The following TRPM3 variants were observed in gnomAD, a reference collection of about 807,000 sequenced individuals.
TRPM3 encodes long transient receptor potential channel 3.
In TRPM3, 77 loss-of-function variants were observed where a neutral mutation model predicts 181.2. The ratio of observed to expected loss-of-function variants is 0.42; its 90% CI spans 0.35 to 0.51. The LOEUF (loss-of-function observed/expected upper bound fraction) is 0.51, where lower values mean the gene tolerates loss of function less well. Ranked by LOEUF, TRPM3 falls within the 20% of genes least tolerant of loss-of-function variation. The pLI, the probability that TRPM3 is intolerant of heterozygous loss-of-function variation, is 0.01. For synonymous variants in TRPM3, 745 were observed against 796.4 expected (o/e 0.94, Z 1.09); for missense variants, 1,759 against 2,196.7 (o/e 0.80, Z 3.98).
At chr9:71,075,739 G>A (rs947890786) in intron 1 of TRPM3, among the ~76,000 whole-genome samples, 17 of 152,152 alleles carry the variant, frequency 1.1e-4, no homozygotes, top group African/African-American at 4.1e-4. Flanking sequence ...AAAGCAAAAT[G>A]TTTTCTTATT....
intron 1 of TRPM3, among the ~76,000 whole-genome samples, chr9:70,950,389 A>C (rs2096985141): frequency 1.3e-5 from 2 of 152,192 alleles, no homozygotes; most frequent in African/African-American, 4.8e-5. Context: ...GATCCATTAA[A>C]CATAGATAGG....
intron 12 of TRPM3, among the ~76,000 whole-genome samples, chr9:70,629,110 G>A (rs1472906209): frequency 6.7e-6 from 1 of 150,206 alleles, no homozygotes; most frequent in African/African-American, 2.5e-5. Context: ...GTATATATTG[G>A]CAAGCAAGCA....
chr9:71,114,283 C>A (rs367933188), intron 1 of TRPM3, among the ~76,000 whole-genome samples: 18 of 152,224 alleles, frequency 1.2e-4, no homozygotes, highest in Middle Eastern at 3.4e-3. Context: ...ATAGTTAGAT[C>A]TGAATTCCGA....
At chr9:70,915,871 A>G (rs535169350) in intron 1 of TRPM3, among the ~76,000 whole-genome samples, 1 of 152,328 alleles carries the variant, frequency 6.6e-6, no homozygotes, top group Admixed American at 6.5e-5. Context: ...GATATCGGTC[A>G]ATATCCAAGT....
At chr9:71,051,883 TG>T (rs1321028173) in intron 1 of TRPM3, among the ~76,000 whole-genome samples, 1 of 152,094 alleles carries the variant, frequency 6.6e-6, no homozygotes, top group East Asian at 1.9e-4. Context: ...GAAAGGAAAC[TG>T]GGTGGGGTGA....
At chr9:71,262,857 G>A (rs866627285) in intron 1 of TRPM3, among the ~76,000 whole-genome samples, 7 of 149,778 alleles carry the variant, frequency 4.7e-5, no homozygotes, top group Non-Finnish European at 8.9e-5. Flanking sequence ...TTACTAACCA[G>A]TCCCAATGAG....
chr9:71,370,700 T>C (rs1485602135), intron 1 of TRPM3, among the ~76,000 whole-genome samples: 1 of 152,194 alleles, frequency 6.6e-6, no homozygotes, highest in East Asian at 1.9e-4. Flanking sequence ...CTGCAACAAG[T>C]TATTCAGAGA....
rs1319668703 is a variant in TRPM3, at chr9:70,573,971, T to TTC, written c.3223+17058_3223+17059dup. Among the ~76,000 whole-genome samples, 26 of 90,082 alleles carry TTC rather than the reference T, an allele frequency of 2.9e-4. 1 individual carries two copies. The highest frequency in any genetic ancestry group is 1.3e-3 in the African/African-American group (26 of 20,232). 59.1% of individuals were successfully genotyped at this position (90,082 alleles called of 152,430 possible). The stretch of plus-strand genomic sequence containing the variant: ...ATGTAGCTTAAATCATGCAATTCAT[T>TTC]TCACACACACACACACACACACACA... On this transcript the variant is annotated intron_variant, in intron 22 of 25. Transcript: ENST00000677713.
intron 1 of TRPM3, among the ~76,000 whole-genome samples, chr9:71,419,955 A>G (rs2093700465): frequency 6.6e-6 from 1 of 151,996 alleles, no homozygotes; most frequent in South Asian, 2.1e-4. Flanking sequence ...TTTGTTCAAT[A>G]AAATACAACA....
intron 1 of TRPM3, among the ~76,000 whole-genome samples, chr9:71,338,340 G>C (rs1039592253): frequency 6.6e-6 from 1 of 152,204 alleles, no homozygotes; most frequent in African/African-American, 2.4e-5. Context: ...CTGGAATAAC[G>C]TTCAACGCTC....
At chr9:70,956,231 G>A (rs2097068968) in intron 1 of TRPM3, among the ~76,000 whole-genome samples, 1 of 149,304 alleles carries the variant, frequency 6.7e-6, no homozygotes, top group Non-Finnish European at 1.5e-5. Flanking sequence ...CAGTTCTTAG[G>A]ATCAATCTTT....
chr9:70,931,229 A>C (rs2133411207), intron 1 of TRPM3, among the ~76,000 whole-genome samples: 1 of 152,294 alleles, frequency 6.6e-6, no homozygotes, highest in South Asian at 2.1e-4. Context: ...ATAAATCATA[A>C]GTTTTAAGAA....
intron 1 of TRPM3, among the ~76,000 whole-genome samples, chr9:71,260,498 T>C (rs984123010): frequency 6.6e-6 from 1 of 152,212 alleles, no homozygotes; most frequent in African/African-American, 2.4e-5. Flanking sequence ...ATGATATTGA[T>C]TCTTCCTATC....
chr9:70,806,100 C>T (rs2090611673), intron 6 of TRPM3, among the ~76,000 whole-genome samples: 1 of 152,166 alleles, frequency 6.6e-6, no homozygotes, highest in Non-Finnish European at 1.5e-5. Flanking sequence ...CCCAGCGACG[C>T]CAAGGCTCCT....
chr9:71,008,175 T>G (rs1376951308), intron 1 of TRPM3, among the ~76,000 whole-genome samples: 1 of 151,828 alleles, frequency 6.6e-6, no homozygotes, highest in Non-Finnish European at 1.5e-5. Flanking sequence ...CAAAAGAAAC[T>G]TATGAATTCT....
At chr9:71,064,484 C>T (rs2061679874) in intron 1 of TRPM3, among the ~76,000 whole-genome samples, 1 of 151,218 alleles carries the variant, frequency 6.6e-6, no homozygotes. Flanking sequence ...AGTAGACTAT[C>T]AAGAGATGCA....
intron 1 of TRPM3, among the ~76,000 whole-genome samples, chr9:70,869,626 CG>C (rs1355840589): frequency 6.6e-6 from 1 of 151,978 alleles, no homozygotes; most frequent in Admixed American, 6.6e-5. Context: ...TGGAGTTTGT[CG>C]GGGACCTTCG....
chr9:70,836,147 G>T (rs11142612), intron 5 of TRPM3, among the ~76,000 whole-genome samples: 1 of 151,844 alleles, frequency 6.6e-6, no homozygotes. Context: ...TTCCACATGT[G>T]TACTCTCTCC....
intron 1 of TRPM3, among the ~76,000 whole-genome samples, chr9:71,437,714 A>G (rs1196520511): frequency 6.6e-6 from 1 of 151,888 alleles, no homozygotes; most frequent in Non-Finnish European, 1.5e-5. Flanking sequence ...CTAAAAATAC[A>G]AAAATTAGCC....
Sources: allele counts gnomAD v4.1 joint callset (sites outside exome capture counted in the v4.1 genomes callset), GRCh38; gene constraint gnomAD v4.1.1; transcripts MANE v1.5; gene names NCBI Gene and HGNC (gene_info 2026-07-23, HGNC 2026-07-21).